The following DIAPH2 variants were observed in gnomAD, a reference collection of about 807,000 sequenced individuals.
DIAPH2 encodes diaphanous related formin 2.
A neutral mutation model predicts 92.7 loss-of-function variants in DIAPH2; 35 were observed. The ratio of observed to expected loss-of-function variants is 0.38; its 90% CI spans 0.29 to 0.50. The LOEUF is 0.50. DIAPH2 is among the 20% of genes least tolerant of loss of function. The pLI is 0.94. For missense variants in DIAPH2, 701 were observed against 819.5 expected (o/e 0.86, Z 1.77); for synonymous variants, 301 against 280.4 (o/e 1.07, Z -0.73).
At chrX:97,169,681 T>C (rs1049444849) in intron 22 of DIAPH2, among the ~76,000 whole-genome samples, 1 of 111,778 alleles carries the variant, frequency 8.9e-6, no homozygotes, top group Admixed American at 9.5e-5. Flanking sequence ...CTGAGCAACA[T>C]GGTGAGACCT....
chrX:97,489,906 G>C (rs780021869), intron 26 of DIAPH2, among the ~76,000 whole-genome samples: 139 of 111,821 alleles, frequency 1.2e-3, no homozygotes, highest in African/African-American at 4.2e-3. Flanking sequence ...TTCTTGTAGT[G>C]TCTGTGACTT....
rs1240232229 is a variant in DIAPH2, at chrX:97,275,690, G to A, written c.2844+27851G>A. ...CTCACATCCCAGACGGGGCGGCGGG[G>A]CAGAGGCACTCCCCACATCTCAGAC... On this transcript the variant is annotated intron_variant, in intron 23 of 26. Coordinates refer to ENST00000324765, the MANE Select transcript of DIAPH2 (RefSeq NM_006729.5). 8.3e-5 allele frequency among the ~76,000 whole-genome samples: 9 copies of A among 108,437 alleles called. No homozygotes were observed. The East Asian group carries it at 2.7e-3, about 33-fold the overall frequency. 94.2% of individuals were successfully genotyped at this position (108,437 alleles called of 115,157 possible).
At chrX:97,293,547 G>A (rs900032396) in intron 23 of DIAPH2, among the ~76,000 whole-genome samples, 4 of 111,206 alleles carry the variant, frequency 3.6e-5, no homozygotes, top group Non-Finnish European at 5.7e-5. Context: ...CACTGCCCCC[G>A]GTCTTTGTTG....
intron 22 of DIAPH2, among the ~76,000 whole-genome samples, chrX:97,200,632 T>G (rs963817565): frequency 5.4e-5 from 6 of 111,985 alleles, no homozygotes; most frequent in African/African-American, 1.9e-4. Flanking sequence ...GGGGCCTCTC[T>G]GAAGGAAATG....
chrX:97,575,560 C>T (rs751640813), intron 26 of DIAPH2, among the ~76,000 whole-genome samples: 1 of 111,760 alleles, frequency 8.9e-6, no homozygotes, highest in East Asian at 2.8e-4. Flanking sequence ...AAGGGGGACA[C>T]AATTTAACTT....
intron 5 of DIAPH2, among the ~76,000 whole-genome samples, chrX:96,887,983 A>ATG (rs1008273952): frequency 3.7e-5 from 4 of 107,563 alleles, no homozygotes; most frequent in East Asian, 2.9e-4. Flanking sequence ...GTGTGTGTGT[A>ATG]TGTGTGTGTG....
intron 17 of DIAPH2, among the ~76,000 whole-genome samples, chrX:97,033,317 A>C (rs1477764830): frequency 9.0e-6 from 1 of 111,600 alleles, no homozygotes; most frequent in Non-Finnish European, 1.9e-5. Flanking sequence ...TTCACAGTGT[A>C]CTTTTTTTCC....
chrX:97,289,585 A>G (rs1202353044), intron 23 of DIAPH2, among the ~76,000 whole-genome samples: 2 of 111,624 alleles, frequency 1.8e-5, no homozygotes, highest in Non-Finnish European at 3.8e-5. Flanking sequence ...ATGCCTGGAC[A>G]CCATCCCAGA....
intron 26 of DIAPH2, chrX:97,469,807 A>G: frequency 4.3e-6 from 5 of 1,169,616 alleles, no homozygotes; most frequent in Non-Finnish European, 4.6e-6. Flanking sequence ...TAAGATAATC[A>G]AGTAGTAAAA....
chrX:97,334,998 CAA>C (rs746536131), intron 23 of DIAPH2, among the ~76,000 whole-genome samples: 659 of 31,462 alleles, frequency 0.021, 19 homozygotes, highest in South Asian at 0.087. Flanking sequence ...AAAAACAAAA[CAA>C]AAAAAAAAAA....
At chrX:97,396,300 CT>C (rs2069703219) in intron 25 of DIAPH2, among the ~76,000 whole-genome samples, 2 of 111,077 alleles carry the variant, frequency 1.8e-5, no homozygotes, top group African/African-American at 6.5e-5. Context: ...TCTCTAATGA[CT>C]TTTTTTTAAA....
chrX:97,458,831 C>T (rs190554987), intron 26 of DIAPH2, among the ~76,000 whole-genome samples: 2 of 111,849 alleles, frequency 1.8e-5, no homozygotes, highest in East Asian at 5.6e-4. Flanking sequence ...AAGTACTTCT[C>T]TCTTTTTGTC....
At chrX:97,167,227 T>C (rs1211730463) in intron 22 of DIAPH2, among the ~76,000 whole-genome samples, 1 of 87,090 alleles carries the variant, frequency 1.1e-5, no homozygotes, top group Non-Finnish European at 2.6e-5. Flanking sequence ...GGCGCTATTC[T>C]GAAACTTTTT....
At chrX:97,113,884 A>G (rs867794886) in intron 20 of DIAPH2, among the ~76,000 whole-genome samples, 1 of 111,071 alleles carries the variant, frequency 9.0e-6, no homozygotes, top group Non-Finnish European at 1.9e-5. Flanking sequence ...ATGTGTGTCT[A>G]CCTCTCCCCG....
intron 3 of DIAPH2, among the ~76,000 whole-genome samples, chrX:96,745,217 G>A (rs1035242439): frequency 7.6e-4 from 84 of 110,395 alleles, no homozygotes; most frequent in African/African-American, 2.8e-3. Context: ...TGTTGGTAAG[G>A]CTGATCTTGA....
chrX:97,361,296 C>T (rs920664342), intron 24 of DIAPH2, among the ~76,000 whole-genome samples: 1 of 111,062 alleles, frequency 9.0e-6, no homozygotes, highest in Admixed American at 9.6e-5. Flanking sequence ...TTCATGTGAG[C>T]ATTATTTAGG....
At chrX:96,867,468 C>T (rs977896848) in intron 4 of DIAPH2, among the ~76,000 whole-genome samples, 3 of 111,372 alleles carry the variant, frequency 2.7e-5, no homozygotes, top group East Asian at 5.6e-4. Context: ...GATCTGCCCG[C>T]CTCGGCCTCC....
At chrX:97,086,762 G>A (rs896233660) in intron 19 of DIAPH2, among the ~76,000 whole-genome samples, 4 of 111,262 alleles carry the variant, frequency 3.6e-5, no homozygotes, top group African/African-American at 1.3e-4. Context: ...TTATTTCGCG[G>A]GAGGAGAAAC....
rs1378345730 is a variant in DIAPH2, at chrX:97,557,892, A to G, written c.3242-41361A>G. On this transcript the variant is annotated intron_variant, in intron 26 of 26. Transcript: ENST00000324765. Reference sequence around the variant, plus strand: ...AACTGTATGTAAATTGAAGCTTATAAAGTACTTGAGGGGATTTGACAAGTT... The same window carrying G: ...AACTGTATGTAAATTGAAGCTTATAGAGTACTTGAGGGGATTTGACAAGTT... Among the ~76,000 whole-genome samples, 3 of 111,818 alleles carry G rather than the reference A, an allele frequency of 2.7e-5. No homozygotes were observed. The East Asian group carries it at 8.4e-4, about 31-fold the overall frequency.
Sources: allele counts gnomAD v4.1 joint callset (sites outside exome capture counted in the v4.1 genomes callset), GRCh38; gene constraint gnomAD v4.1.1; transcripts MANE v1.5; gene names NCBI Gene and HGNC (gene_info 2026-07-23, HGNC 2026-07-21).